VPS13B: variants seen among roughly 807,000 people sequenced by gnomAD.
VPS13B encodes vacuolar protein sorting 13 homolog B, also known as intermembrane lipid transfer protein VPS13B.
Under a neutral mutation model 426.4 loss-of-function variants are expected in VPS13B, and 285 were observed. The observed-to-expected ratio is 0.67, with a 90% CI of 0.61 to 0.74. The LOEUF is 0.74. Ranked by LOEUF, VPS13B falls within the 30% of genes least tolerant of loss-of-function variation. The pLI, the probability that VPS13B is intolerant of heterozygous loss-of-function variation, is 0.00. For synonymous variants in VPS13B, 1,676 were observed against 1,676.4 expected (o/e 1.00, Z 0.01); for missense variants, 4,537 against 4,782.6 (o/e 0.95, Z 1.51).
intron 23 of VPS13B, among the ~76,000 whole-genome samples, chr8:99,448,619 G>T (rs957585987): frequency 6.6e-6 from 1 of 152,064 alleles, no homozygotes; most frequent in African/African-American, 2.4e-5. Flanking sequence ...AGCCCTTCTG[G>T]TTTCAGTGTC....
At chr8:99,226,680 T>C (rs954469781) in intron 17 of VPS13B, among the ~76,000 whole-genome samples, 4 of 152,180 alleles carry the variant, frequency 2.6e-5, no homozygotes, top group African/African-American at 9.6e-5. Context: ...AAATTACATG[T>C]TATAGGTATA....
intron 20 of VPS13B, among the ~76,000 whole-genome samples, chr8:99,385,462 C>T (rs1814064102): frequency 6.6e-6 from 1 of 152,056 alleles, no homozygotes; most frequent in African/African-American, 2.4e-5. Context: ...CTAAGGAGCA[C>T]CTTTTAAAGG....
chr8:99,382,068 T>G lies in VPS13B; in HGVS notation c.2825-2140T>G, dbSNP rs371936463. Reference sequence around the variant, plus strand: ...TATGGTTAGCCAATTCCAGCACCATTTATTGCGTAGGGAATCCTTTTCCCC... The same window carrying G: ...TATGGTTAGCCAATTCCAGCACCATGTATTGCGTAGGGAATCCTTTTCCCC... On this transcript the variant is annotated intron_variant, in intron 19 of 61. Coordinates refer to ENST00000357162, the MANE Select transcript of VPS13B (RefSeq NM_152564.5). Among the ~76,000 whole-genome samples the G allele has an allele frequency of 6.6e-5, 10 of 152,190 alleles. No homozygotes were observed. The East Asian group carries it at 1.9e-3, about 29-fold the overall frequency.
At chr8:99,443,857 A>T (rs1208997465) in intron 23 of VPS13B, among the ~76,000 whole-genome samples, 8 of 152,148 alleles carry the variant, frequency 5.3e-5, no homozygotes, top group African/African-American at 2.4e-5. Context: ...GTTGTGTCGT[A>T]TAGTAACTAT....
chr8:99,142,541 C>G lies in VPS13B; in HGVS notation c.1652-433C>G, dbSNP rs560496068. On this transcript the variant is annotated intron_variant, in intron 12 of 61. Transcript: ENST00000357162. ...TCATTTCCATGGTCATTATAAAACT[C>G]TCAAGGCACCCTGTGATCATGTTAC... 1.2e-4 allele frequency among the ~76,000 whole-genome samples: 19 copies of G among 152,232 alleles called. 2 individuals are homozygous for G. In the South Asian group the frequency reaches 3.9e-3, roughly 32 times the overall value.
At chr8:99,488,779 A>G (rs1432347296) in intron 25 of VPS13B, among the ~76,000 whole-genome samples, 1 of 152,216 alleles carries the variant, frequency 6.6e-6, no homozygotes, top group East Asian at 1.9e-4. Context: ...GATTCTGGAT[A>G]TAAGCCCTTT....
intron 57 of VPS13B, among the ~76,000 whole-genome samples, chr8:99,859,982 G>A (rs980583120): frequency 2.6e-5 from 4 of 152,142 alleles, no homozygotes; most frequent in African/African-American, 9.7e-5. Context: ...ACAGGTCATC[G>A]GGCATGGAGG....
chr8:99,052,096 C>T (rs956845125), intron 3 of VPS13B, among the ~76,000 whole-genome samples: 26 of 148,448 alleles, frequency 1.8e-4, no homozygotes, highest in Non-Finnish European at 1.5e-5. Context: ...AGAGGGCATC[C>T]CTGTCTTGTG....
chr8:99,067,649 A>C (rs533875931), intron 3 of VPS13B, among the ~76,000 whole-genome samples: 1 of 152,380 alleles, frequency 6.6e-6, no homozygotes, highest in South Asian at 2.1e-4. Context: ...TAACTTAAGA[A>C]ATCCATAAAT....
chr8:99,121,521 T>A, intron 8 of VPS13B, 76 bp downstream of exon 8: 2 of 1,579,700 alleles, frequency 1.3e-6, no homozygotes, highest in East Asian at 2.2e-5. Context: ...CAATTCTAGC[T>A]TTATTCAAGT....
At chr8:99,582,300 A>G (rs1211474370) in intron 33 of VPS13B, among the ~76,000 whole-genome samples, 3 of 152,210 alleles carry the variant, frequency 2.0e-5, no homozygotes, top group Admixed American at 6.5e-5. Context: ...TCAAAGTAGC[A>G]TCAATCCCTG....
At chr8:99,750,145 G>T (rs1810321069) in intron 39 of VPS13B, among the ~76,000 whole-genome samples, 1 of 152,052 alleles carries the variant, frequency 6.6e-6, no homozygotes, top group South Asian at 2.1e-4. Flanking sequence ...AGTTTTAATT[G>T]AATGGTATAT....
intron 3 of VPS13B, among the ~76,000 whole-genome samples, chr8:99,039,476 C>T (rs912604966): frequency 4.6e-5 from 7 of 150,968 alleles, no homozygotes; most frequent in Admixed American, 6.6e-5. Context: ...AGGACCATAG[C>T]TTATTGTGGA....
intron 30 of VPS13B, among the ~76,000 whole-genome samples, chr8:99,543,132 A>G (rs1361695283): frequency 6.6e-6 from 1 of 152,098 alleles, no homozygotes; most frequent in Admixed American, 6.6e-5. Flanking sequence ...CAATGGAACA[A>G]AACAGGGCCC....
chr8:99,718,916 G>A (rs1021996666), intron 37 of VPS13B, among the ~76,000 whole-genome samples: 2 of 151,942 alleles, frequency 1.3e-5, no homozygotes, highest in African/African-American at 4.8e-5. Flanking sequence ...CCCATGCTGG[G>A]ATTACAGGCA....
At chr8:99,665,260 C>A (rs200899322) in intron 35 of VPS13B, among the ~76,000 whole-genome samples, 1 of 152,192 alleles carries the variant, frequency 6.6e-6, no homozygotes, top group East Asian at 1.9e-4. Flanking sequence ...TTCTCCCATT[C>A]TGTAGGTTGC....
chr8:99,282,141 T>C (rs1186920916), intron 19 of VPS13B, among the ~76,000 whole-genome samples: 1 of 152,300 alleles, frequency 6.6e-6, no homozygotes, highest in South Asian at 2.1e-4. Context: ...CTACCTTGAT[T>C]CTGCCTTCTT....
intron 17 of VPS13B, among the ~76,000 whole-genome samples, chr8:99,249,918 G>A (rs1459366748): frequency 6.6e-6 from 1 of 152,132 alleles, no homozygotes; most frequent in African/African-American, 2.4e-5. Context: ...CTTGCGGTTG[G>A]GGGTGGTGGG....
At chr8:99,310,224 AT>A (rs764779270) in intron 19 of VPS13B, among the ~76,000 whole-genome samples, 6 of 152,124 alleles carry the variant, frequency 3.9e-5, no homozygotes, top group Non-Finnish European at 8.8e-5. Flanking sequence ...ACTATGTTGA[AT>A]AGGAGTGGTG....
Sources: allele counts gnomAD v4.1 joint callset (sites outside exome capture counted in the v4.1 genomes callset), GRCh38; gene constraint gnomAD v4.1.1; transcripts MANE v1.5; gene names NCBI Gene and HGNC (gene_info 2026-07-23, HGNC 2026-07-21).